COPG2: variants seen among roughly 807,000 people sequenced by gnomAD.
COPG2 encodes coat protein complex I subunit gamma 2.
COPG2 carries 37 observed loss-of-function variants against 46.3 expected under a neutral mutation model. The ratio of observed to expected loss-of-function variants is 0.80; its 90% CI spans 0.61 to 1.05. The LOEUF (loss-of-function observed/expected upper bound fraction) is 1.05. Ranked by LOEUF, COPG2 falls within the 50% of genes least tolerant of loss-of-function variation. COPG2 has a pLI of 0.00. For missense variants in COPG2, 427 were observed against 387.8 expected, an observed-to-expected ratio of 1.10 and a Z score of -0.85; for synonymous variants, 159 against 129.7, an observed-to-expected ratio of 1.23 and a Z score of -1.53.
chr7:130,536,653 G>A lies in COPG2; in HGVS notation c.2149+11021C>T, dbSNP rs923433579. 1.2e-4 allele frequency among the ~76,000 whole-genome samples: 19 copies of A among 152,326 alleles called. No homozygotes were observed. The South Asian group carries it at 2.9e-3, about 23-fold the overall frequency. On this transcript the variant is annotated intron_variant, in intron 20 of 23. Coordinates refer to ENST00000425248, the MANE Select transcript of COPG2 (RefSeq NM_012133.6). ...TGTGAGGGGAAGATGCACGTGCAGC[G>A]GGGCTGATGGAGGCATCAGGGTCAA...
At chr7:130,657,846 C>T (rs141933252) in intron 4 of COPG2, among the ~76,000 whole-genome samples, 42 of 152,192 alleles carry the variant, frequency 2.8e-4, no homozygotes, top group East Asian at 2.1e-3. Context: ...TACCATTATA[C>T]ACCTATCAGA....
chr7:130,618,094 C>T (rs1249526405), intron 5 of COPG2, among the ~76,000 whole-genome samples: 1 of 23,396 alleles, frequency 4.3e-5, no homozygotes, highest in Admixed American at 5.6e-4. Context: ...GAGTGAGACC[C>T]TGTCTCAAAA....
intron 12 of COPG2, among the ~76,000 whole-genome samples, chr7:130,559,774 A>C (rs1489377827): frequency 6.6e-6 from 1 of 152,200 alleles, no homozygotes; most frequent in East Asian, 1.9e-4. Flanking sequence ...GCTACACCAG[A>C]TGCACAAAAC....
At chr7:130,526,671 A>G (rs2116353064) in intron 20 of COPG2, among the ~76,000 whole-genome samples, 2 of 151,958 alleles carry the variant, frequency 1.3e-5, no homozygotes, top group Non-Finnish European at 1.5e-5. Context: ...GAGTGCTCAG[A>G]GCAGCCTGCA....
At chr7:130,603,973 G>C (rs1208188242) in intron 9 of COPG2, 1 of 413,964 alleles carries the variant, frequency 2.4e-6, no homozygotes, top group African/African-American at 2.1e-5. Context: ...TTACAATAAA[G>C]TAAGCTAGAG....
At chr7:130,618,875 T>C (rs1214592129) in intron 5 of COPG2, among the ~76,000 whole-genome samples, 1 of 152,180 alleles carries the variant, frequency 6.6e-6, no homozygotes, top group East Asian at 1.9e-4. Context: ...TTGCATTTAA[T>C]TCAATTTTCT....
intron 20 of COPG2, chr7:130,509,023 C>T: frequency 2.2e-6 from 1 of 459,378 alleles, no homozygotes; most frequent in South Asian, 1.6e-5. Flanking sequence ...GCTGTAGGAC[C>T]TGACCAAAAA....
intron 9 of COPG2, among the ~76,000 whole-genome samples, chr7:130,600,754 C>A (rs1444107502): frequency 1.3e-5 from 2 of 151,768 alleles, no homozygotes; most frequent in African/African-American, 2.4e-5. Flanking sequence ...TTTTGTTTAC[C>A]CAATCTGAGC....
intron 7 of COPG2, among the ~76,000 whole-genome samples, chr7:130,612,820 A>G (rs1794875299): frequency 6.6e-6 from 1 of 152,212 alleles, no homozygotes; most frequent in Non-Finnish European, 1.5e-5. Flanking sequence ...TTTGGATTGA[A>G]GGATACACGT....
In COPG2 at chr7:130,507,283, A is replaced by G. The variant is rs1554440292; in HGVS notation, c.2476T>C (p.Tyr826His). The part of the protein sequence containing the change: ...VPENKNSHSL[Y>H]LAGIFRGGYD... Reference sequence around the variant, plus strand: ...GATGGAAGCTTCTTACCTGCCAGATAGAGCGAATGGGAATTCTTGTTCTCA... The same window carrying G: ...GATGGAAGCTTCTTACCTGCCAGATGGAGCGAATGGGAATTCTTGTTCTCA... Residue 826 changes from tyrosine to histidine, a missense_variant, in exon 23 of 24, where the codon TAT becomes CAT. Coordinates refer to ENST00000425248, the MANE Select transcript of COPG2 (RefSeq NM_012133.6). 1 of 780,732 alleles carries G rather than the reference A, an allele frequency of 1.3e-6. No individual in the cohort carries two copies. The highest frequency in any genetic ancestry group is 1.3e-5 in the South Asian group (1 of 74,614). The allele number at this position is 780,732 out of a possible 1,614,324, so 48.4% of individuals were successfully genotyped here. A position where few individuals can be genotyped will look rare whatever the true frequency, so the allele number is the denominator to read the frequency against.
chr7:130,555,730 T>A (rs1344169958), intron 12 of COPG2, among the ~76,000 whole-genome samples: 1 of 152,088 alleles, frequency 6.6e-6, no homozygotes, highest in Non-Finnish European at 1.5e-5. Flanking sequence ...TCGGAGAGCC[T>A]GAGACATGAG....
At chr7:130,509,793 A>G (rs782507116) in intron 20 of COPG2, 1 of 512,730 alleles carries the variant, frequency 2.0e-6, no homozygotes, top group Non-Finnish European at 3.9e-6. Context: ...ACTCAATGCC[A>G]TAGATCCTTT....
At chr7:130,513,333 A>G (rs1243320030) in intron 20 of COPG2, among the ~76,000 whole-genome samples, 3 of 75,538 alleles carry the variant, frequency 4.0e-5, no homozygotes, top group African/African-American at 1.3e-4. Flanking sequence ...ATATATATAT[A>G]TATATATATG....
chr7:130,577,164 G>A (rs568133809), intron 9 of COPG2, among the ~76,000 whole-genome samples: 87 of 152,316 alleles, frequency 5.7e-4, no homozygotes, highest in African/African-American at 1.9e-3. Context: ...TGAGAAGGAG[G>A]AGCCAAGATG....
At chr7:130,650,264 C>T (rs1795710759) in intron 5 of COPG2, among the ~76,000 whole-genome samples, 1 of 152,146 alleles carries the variant, frequency 6.6e-6, no homozygotes, top group African/African-American at 2.4e-5. Context: ...ATCTTAATTC[C>T]CTTTTGCCAT....
rs1563070679 is a variant in COPG2 at position 130,648,318 on chromosome 7, G to A, written c.323+4551C>T. ...AGAAGTCCAACATAAGTCTCACTGG[G>A]CTAAAATCACTGTGTCATTAGGGCT... On this transcript the variant is annotated intron_variant, in intron 5 of 23. Transcript: ENST00000425248. 2.6e-5 allele frequency among the ~76,000 whole-genome samples: 4 copies of A among 152,142 alleles called. No individual in the cohort carries two copies. The South Asian group carries it at 8.3e-4, about 32-fold the overall frequency.
At chr7:130,614,460 AC>A (rs1359745428) in intron 6 of COPG2, among the ~76,000 whole-genome samples, 2 of 152,210 alleles carry the variant, frequency 1.3e-5, no homozygotes, top group African/African-American at 4.8e-5. Context: ...CCTAAAATAT[AC>A]CCAAGCATGG....
intron 5 of COPG2, among the ~76,000 whole-genome samples, chr7:130,650,367 T>G (rs1795712520): frequency 6.6e-6 from 1 of 152,204 alleles, no homozygotes. Context: ...TCACTTAAAA[T>G]GAACTATTAA....
intron 5 of COPG2, among the ~76,000 whole-genome samples, chr7:130,617,291 T>C (rs553884773): frequency 2.6e-5 from 4 of 152,306 alleles, no homozygotes; most frequent in African/African-American, 9.6e-5. Context: ...AAAAGTCCTT[T>C]GCCTTCATGG....
Sources: allele counts gnomAD v4.1 joint callset (sites outside exome capture counted in the v4.1 genomes callset), GRCh38; gene constraint gnomAD v4.1.1; transcripts MANE v1.5; gene names NCBI Gene and HGNC (gene_info 2026-07-23, HGNC 2026-07-21).